The following SRGAP1 variants were observed in gnomAD, a reference collection of about 807,000 sequenced individuals.
The protein encoded by SRGAP1 is SLIT-ROBO Rho GTPase activating protein 1, also known as SLIT-ROBO Rho GTPase-activating protein 1.
In SRGAP1, 43 loss-of-function variants were observed where a neutral mutation model predicts 121.9. The ratio of observed to expected loss-of-function variants is 0.35; its 90% CI spans 0.28 to 0.46. The LOEUF is 0.46. Among genes scored for constraint, SRGAP1 ranks in the 20% least tolerant of loss-of-function variants. The pLI, the probability that SRGAP1 is intolerant of heterozygous loss-of-function variation, is 1.00. For synonymous variants in SRGAP1, 447 were observed against 485.4 expected, an observed-to-expected ratio of 0.92 and a Z score of 1.04; for missense variants, 1,102 against 1,350.9, an observed-to-expected ratio of 0.82 and a Z score of 2.89.
Position 64,156,482 on chromosome 12 carries a change from A to G in SRGAP1, c.*13810A>G, listed in dbSNP as rs762298713. 6.6e-6 allele frequency: 1 copy of G among 152,188 alleles called. No individual in the cohort carries two copies. Among genetic ancestry groups the G allele is most frequent in the Non-Finnish European group, 1.5e-5 (1 of 68,034 alleles). 9.4% of individuals were successfully genotyped at this position (152,188 alleles called of 1,614,324 possible). ...TATGTTACTCATTTTCTATCATCCT[A>G]TTCCTTGTGATGGATACCCAAGGGT... On this transcript the variant is annotated 3_prime_UTR_variant, in exon 22 of 22. Transcript: ENST00000355086.
rs572481061 is a variant in SRGAP1, at chr12:63,932,474, A to G, written c.68-51473A>G. Among the ~76,000 whole-genome samples, 3 of 152,330 alleles carry G rather than the reference A, an allele frequency of 2.0e-5. No homozygotes were observed. In the East Asian group the frequency reaches 5.8e-4, roughly 29 times the overall value. ...GTATTTCCCAACAGATCTTATACAAATTTGAAATTAAATTTCCATCTGTTG... is the reference window on the plus strand; with the variant it reads ...GTATTTCCCAACAGATCTTATACAAGTTTGAAATTAAATTTCCATCTGTTG... On this transcript the variant is annotated intron_variant, in intron 1 of 21. Transcript: ENST00000355086.
chr12:63,970,722 C>A (rs1027712666), intron 1 of SRGAP1, among the ~76,000 whole-genome samples: 1 of 152,166 alleles, frequency 6.6e-6, no homozygotes, highest in African/African-American at 2.4e-5. Context: ...TTGAACGTAG[C>A]TGGAACTGCC....
At chr12:64,090,153 G>C (rs1268089612) in intron 11 of SRGAP1, among the ~76,000 whole-genome samples, 3 of 152,112 alleles carry the variant, frequency 2.0e-5, no homozygotes. Context: ...AGTTGAGTCA[G>C]GTAATTCTGG....
At chr12:63,976,087 T>C (rs2033085995) in intron 1 of SRGAP1, among the ~76,000 whole-genome samples, 1 of 152,194 alleles carries the variant, frequency 6.6e-6, no homozygotes. Context: ...CACTGATGCT[T>C]CTAAGCATCC....
intron 1 of SRGAP1, among the ~76,000 whole-genome samples, chr12:63,919,527 T>TACACAC (rs945499841): frequency 1.4e-5 from 2 of 146,430 alleles, no homozygotes; most frequent in Non-Finnish European, 3.0e-5. Flanking sequence ...TATATACACA[T>TACACAC]ACACACACAC....
At chr12:64,076,579 G>A (rs1293375707) in intron 8 of SRGAP1, among the ~76,000 whole-genome samples, 1 of 151,848 alleles carries the variant, frequency 6.6e-6, no homozygotes, top group African/African-American at 2.4e-5. Context: ...ATAAAATATG[G>A]AAAAGAAGAA....
intron 1 of SRGAP1, 69 bp from the exon 2 acceptor site, chr12:63,983,878 A>G (rs2033344108): frequency 7.2e-6 from 3 of 414,242 alleles, no homozygotes; most frequent in Non-Finnish European, 8.3e-6. Flanking sequence ...CGTGACTTAT[A>G]TCTTGCACAT....
rs2036717229 is a variant in SRGAP1, at chr12:64,127,719, A to T, written c.2535A>T (p.Leu845Phe). The change falls in exon 20 of 22, where the codon TTA (leucine) becomes TTT (phenylalanine). Residue 845 changes from leucine (L) to phenylalanine (F), a missense_variant. Leu to Phe is a conservative substitution (Grantham distance 22, BLOSUM62 0). Around this residue, in one of 3 missense-constraint regions of SRGAP1, gnomAD observed 315 missense variants for 343.1 expected, o/e 0.92. Transcript: ENST00000355086. Reference protein sequence around the residue: ...SPTDRHPDGYLARQRKRGEPP... With the variant: ...SPTDRHPDGYFARQRKRGEPP... ...CAGACCGTCATCCTGACGGCTATTT[A>T]GCCAGGTAAGTAGAGCCTGGGAATC... 6.2e-7 allele frequency: 1 copy of T among 1,613,996 alleles called. No individual in the cohort carries two copies. Among genetic ancestry groups the T allele is most frequent in the Admixed American group, 1.7e-5 (1 of 59,984 alleles).
chr12:64,069,036 A>G (rs1047382583), intron 8 of SRGAP1, among the ~76,000 whole-genome samples: 1 of 151,186 alleles, frequency 6.6e-6, no homozygotes, highest in African/African-American at 2.4e-5. Flanking sequence ...GTGTATATAT[A>G]TACATATTAT....
chr12:63,993,173 A>G (rs1219461322), intron 3 of SRGAP1, among the ~76,000 whole-genome samples: 1 of 152,048 alleles, frequency 6.6e-6, no homozygotes, highest in African/African-American at 2.4e-5. Flanking sequence ...AAAGAATTCC[A>G]GGTCCCTTTA....
intron 8 of SRGAP1, among the ~76,000 whole-genome samples, chr12:64,066,431 T>G (rs2035541607): frequency 6.6e-6 from 1 of 152,154 alleles, no homozygotes; most frequent in Admixed American, 6.5e-5. Flanking sequence ...CCAACAGAAA[T>G]AGTGTATTTC....
intron 1 of SRGAP1, chr12:63,888,367 G>A (rs1900462920): frequency 6.6e-6 from 1 of 152,048 alleles, no homozygotes; most frequent in Non-Finnish European, 1.5e-5. Flanking sequence ...TGTCTTTATG[G>A]ATTTAGTTTC....
chr12:64,127,747 G>T, intron 20 of SRGAP1, 23 bp downstream of exon 20: 1 of 1,612,490 alleles, frequency 6.2e-7, no homozygotes, highest in Non-Finnish European at 8.5e-7. Context: ...TGGGAATCAG[G>T]CCCCTAAGCC....
intron 4 of SRGAP1, among the ~76,000 whole-genome samples, chr12:64,037,393 AT>A (rs1282974810): frequency 6.6e-6 from 1 of 152,148 alleles, no homozygotes; most frequent in Admixed American, 6.5e-5. Flanking sequence ...TCTTTTTCTT[AT>A]TGTCCATTCC....
chr12:63,869,877 C>T (rs1899789992), intron 1 of SRGAP1, among the ~76,000 whole-genome samples: 2 of 152,182 alleles, frequency 1.3e-5, no homozygotes, highest in East Asian at 3.9e-4. Flanking sequence ...ACAGTGTGTT[C>T]TTTTTTAAGA....
At chr12:64,090,585 AT>A (rs2036033228) in intron 11 of SRGAP1, among the ~76,000 whole-genome samples, 1 of 152,256 alleles carries the variant, frequency 6.6e-6, no homozygotes, top group Non-Finnish European at 1.5e-5. Context: ...CACGCCTATA[AT>A]TCCAGCACTT....
intron 1 of SRGAP1, among the ~76,000 whole-genome samples, chr12:63,941,447 T>A (rs1246365135): frequency 2.6e-5 from 4 of 152,182 alleles, no homozygotes; most frequent in Non-Finnish European, 5.9e-5. Flanking sequence ...ATCTCGAGAA[T>A]GTCTGTGATC....
At chr12:64,136,764 C>A (rs1247022381) in intron 21 of SRGAP1, among the ~76,000 whole-genome samples, 1 of 152,078 alleles carries the variant, frequency 6.6e-6, no homozygotes, top group Non-Finnish European at 1.5e-5. Flanking sequence ...CTATGCAAGG[C>A]CCTTTGAGGC....
In SRGAP1 at chr12:64,035,768, G is replaced by C. The variant is rs549970433; in HGVS notation, c.490-7022G>C. 1.2e-4 allele frequency among the ~76,000 whole-genome samples: 18 copies of C among 152,266 alleles called. No individual in the cohort carries two copies. In the South Asian group the frequency reaches 3.7e-3, roughly 32 times the overall value. On this transcript the variant is annotated intron_variant, in intron 4 of 21. Transcript: ENST00000355086. ...AACATGAAATAGCAAAAAGGCATCT[G>C]TTGGTCTGCTTTTATTGTACCTCAG...
Sources: allele counts gnomAD v4.1 joint callset (sites outside exome capture counted in the v4.1 genomes callset), GRCh38; gene constraint gnomAD v4.1.1; regional missense constraint gnomAD v4.1.1; transcripts MANE v1.5; gene names NCBI Gene and HGNC (gene_info 2026-07-23, HGNC 2026-07-21).